Variants in STAC observed in about 807,000 individuals in gnomAD.
STAC encodes SH3 and cysteine rich domain.
Under a neutral mutation model 48.8 loss-of-function variants are expected in STAC, and 43 were observed. The observed-to-expected ratio is 0.88, with a 90% confidence interval of 0.69 to 1.14. The LOEUF (loss-of-function observed/expected upper bound fraction) is 1.14, where lower values mean the gene tolerates loss of function less well. Among genes scored for constraint, STAC ranks in the 50% most tolerant of loss-of-function variants. The pLI, the probability that STAC is intolerant of heterozygous loss-of-function variation, is 0.00. For synonymous variants in STAC, 193 were observed against 179.5 expected (o/e 1.07, Z -0.60); for missense variants, 497 against 504.0 (o/e 0.99, Z 0.13).
chr3:36,482,831 A>C lies in STAC; in HGVS notation c.389-161A>C, dbSNP rs575545901. Among the ~76,000 whole-genome samples the C allele has an allele frequency of 3.9e-5, 6 of 152,318 alleles. No individual in the cohort carries two copies. The South Asian group carries it at 6.2e-4, about 16-fold the overall frequency. On this transcript the variant is annotated intron_variant, in intron 2 of 10. Coordinates refer to ENST00000273183, the MANE Select transcript of STAC (RefSeq NM_003149.3). ...ACCTTAGGTAGAAAATGCAGGAGAA[A>C]GCAAAAGAATCTACCATATATATTT...
intron 1 of STAC, among the ~76,000 whole-genome samples, chr3:36,421,495 T>G (rs1036183787): frequency 3.9e-5 from 6 of 152,126 alleles, no homozygotes; most frequent in African/African-American, 1.4e-4. Flanking sequence ...ACAGGATACT[T>G]TAACATGCTG....
chr3:36,430,025 G>A (rs774800724), intron 1 of STAC, among the ~76,000 whole-genome samples: 4 of 152,128 alleles, frequency 2.6e-5, no homozygotes, highest in Non-Finnish European at 5.9e-5. Context: ...GAGAAGGGAG[G>A]ACTCAAAGAG....
At chr3:36,429,737 C>G (rs1430806881) in intron 1 of STAC, among the ~76,000 whole-genome samples, 1 of 152,128 alleles carries the variant, frequency 6.6e-6, no homozygotes, top group Non-Finnish European at 1.5e-5. Context: ...CCTCAGGGTC[C>G]ACAGGAACAT....
At chr3:36,461,220 T>A (rs1240499364) in intron 2 of STAC, among the ~76,000 whole-genome samples, 1 of 152,228 alleles carries the variant, frequency 6.6e-6, no homozygotes, top group Non-Finnish European at 1.5e-5. Flanking sequence ...TCAACTCGAA[T>A]TCTGGTAAAT....
chr3:36,493,880 G>A (rs1178420469), intron 6 of STAC, among the ~76,000 whole-genome samples: 2 of 151,598 alleles, frequency 1.3e-5, no homozygotes, highest in Non-Finnish European at 1.5e-5. Context: ...GCCGGGCGCG[G>A]TGGCTCACGC....
intron 1 of STAC, among the ~76,000 whole-genome samples, chr3:36,425,375 C>A (rs1700540111): frequency 6.6e-6 from 1 of 152,216 alleles, no homozygotes; most frequent in South Asian, 2.1e-4. Flanking sequence ...TAGAAAATAA[C>A]TGGCCGGTAG....
chr3:36,514,023 C>T (rs1315471742), intron 8 of STAC, among the ~76,000 whole-genome samples: 2 of 152,008 alleles, frequency 1.3e-5, no homozygotes, highest in Non-Finnish European at 2.9e-5. Context: ...GCTTCTGCTT[C>T]CTGACTTGTA....
At chr3:36,491,367 G>A (rs1438395431) in intron 5 of STAC, among the ~76,000 whole-genome samples, 1 of 152,150 alleles carries the variant, frequency 6.6e-6, no homozygotes, top group African/African-American at 2.4e-5. Flanking sequence ...CTTTGGGAAA[G>A]CTAAAAGAAA....
In STAC at chr3:36,529,219, C is replaced by T. The variant is rs763014177; in HGVS notation, c.1110+234C>T. On this transcript the variant is annotated intron_variant, in intron 10 of 10. Coordinates refer to ENST00000273183, the MANE Select transcript of STAC (RefSeq NM_003149.3). ...ATAAACGAAACGTGATAGTGGCAGG[C>T]GACGACATCTCGTCCCCCATGCTCT... is the stretch of plus-strand genomic sequence containing the variant. 1.2e-3 allele frequency: 343 copies of T among 291,950 alleles called. 1 individual carries two copies. Among genetic ancestry groups the T allele is most frequent in the Non-Finnish European group, 1.8e-3 (281 of 157,392 alleles). 18.1% of individuals were successfully genotyped at this position (291,950 alleles called of 1,614,324 possible).
intron 4 of STAC, 22 bp downstream of exon 4, chr3:36,485,080 T>C: frequency 3.2e-6 from 5 of 1,581,688 alleles, no homozygotes; most frequent in Non-Finnish European, 4.3e-6. Flanking sequence ...CATTGATGGG[T>C]TGAGTTGAGT....
At chr3:36,510,638 T>G (rs1698514174) in intron 8 of STAC, among the ~76,000 whole-genome samples, 1 of 152,096 alleles carries the variant, frequency 6.6e-6, no homozygotes, top group Admixed American at 6.6e-5. Flanking sequence ...TAAAAAAGGA[T>G]GAGTTCATGC....
intron 2 of STAC, among the ~76,000 whole-genome samples, chr3:36,454,451 C>T (rs1027671476): frequency 1.8e-4 from 28 of 152,104 alleles, no homozygotes; most frequent in Non-Finnish European, 5.9e-5. Flanking sequence ...AAGGAACAAA[C>T]TCCGGACACG....
intron 8 of STAC, among the ~76,000 whole-genome samples, chr3:36,512,593 G>A (rs539770016): frequency 2.0e-5 from 3 of 152,222 alleles, no homozygotes; most frequent in South Asian, 4.2e-4. Context: ...GAGGAATGAT[G>A]TCTAGCTGCC....
intron 8 of STAC, among the ~76,000 whole-genome samples, chr3:36,506,969 G>C (rs1044429562): frequency 2.6e-5 from 4 of 152,202 alleles, no homozygotes; most frequent in African/African-American, 9.7e-5. Context: ...ATGTTGAATA[G>C]GAGTGGTGAG....
chr3:36,536,043 G>A (rs1297625386), intron 10 of STAC, among the ~76,000 whole-genome samples: 1 of 152,116 alleles, frequency 6.6e-6, no homozygotes, highest in Non-Finnish European at 1.5e-5. Context: ...AGAAGAAATG[G>A]TACCAGCTCC....
At chr3:36,530,380 C>A (rs185867701) in intron 10 of STAC, among the ~76,000 whole-genome samples, 1 of 152,032 alleles carries the variant, frequency 6.6e-6, no homozygotes, top group Non-Finnish European at 1.5e-5. Flanking sequence ...ATCTTGAATG[C>A]CTTTTTTAGG....
rs1304653312 is a variant in STAC at position 36,505,820 on chromosome 3, A to G, written c.906A>G (p.Glu302=). The G allele has an allele frequency of 6.2e-7, 1 of 1,604,984 alleles. No individual in the cohort carries two copies. The highest frequency in any genetic ancestry group is 8.5e-7 in the Non-Finnish European group (1 of 1,176,026). The change falls in exon 8 of 11, where the codon GAA becomes GAG. Residue 302 remains glutamate (E), a synonymous_variant. Coordinates refer to ENST00000273183, the MANE Select transcript of STAC (RefSeq NM_003149.3). The part of the protein sequence containing the change: ...ALYKFVPQEN[E]DLEMRPGDII... ...ACAAATTTGTACCACAGGAGAATGA[A>G]GATTTGGAAATGAGGTAAAAACCTT...
At chr3:36,493,925 C>T (rs62243760) in intron 6 of STAC, among the ~76,000 whole-genome samples, 1 of 151,490 alleles carries the variant, frequency 6.6e-6, no homozygotes, top group East Asian at 1.9e-4. Flanking sequence ...CCGAGGCGGG[C>T]GGATCACGAG....
intron 1 of STAC, among the ~76,000 whole-genome samples, chr3:36,431,913 A>C (rs1430565339): frequency 2.6e-5 from 4 of 152,178 alleles, no homozygotes; most frequent in Non-Finnish European, 4.4e-5. Flanking sequence ...AAAAAGGGCT[A>C]TTATTTTTAA....
Sources: allele counts gnomAD v4.1 joint callset (sites outside exome capture counted in the v4.1 genomes callset), GRCh38; gene constraint gnomAD v4.1.1; transcripts MANE v1.5; gene names NCBI Gene and HGNC (gene_info 2026-07-23, HGNC 2026-07-21).